Variants in PDGFC observed in about 807,000 individuals in gnomAD.
The protein encoded by PDGFC is platelet-derived growth factor C.
A neutral mutation model predicts 35.5 loss-of-function variants in PDGFC; 12 were observed. The ratio of observed to expected loss-of-function variants is 0.34; its 90% CI spans 0.22 to 0.55. PDGFC has a LOEUF of 0.55. Among genes scored for constraint, PDGFC ranks in the 20% least tolerant of loss-of-function variants. PDGFC has a pLI of 0.91. For missense variants in PDGFC, 322 were observed against 412.4 expected (o/e 0.78, Z 1.90); for synonymous variants, 159 against 148.8 (o/e 1.07, Z -0.50).
intron 2 of PDGFC, among the ~76,000 whole-genome samples, chr4:156,813,431 G>A (rs1731995369): frequency 6.6e-6 from 1 of 152,052 alleles, no homozygotes; most frequent in Admixed American, 6.6e-5. Flanking sequence ...AAATACTGTG[G>A]AATAGTAGAA....
intron 1 of PDGFC, among the ~76,000 whole-genome samples, chr4:156,885,120 G>C (rs970114433): frequency 2.6e-5 from 4 of 151,164 alleles, no homozygotes; most frequent in Non-Finnish European, 1.5e-5. Context: ...ATAGAATATG[G>C]GGAGAAAAAT....
chr4:156,862,914 T>G (rs905249612), intron 1 of PDGFC, among the ~76,000 whole-genome samples: 1 of 151,984 alleles, frequency 6.6e-6, no homozygotes, highest in African/African-American at 2.4e-5. Context: ...AGGCTGGTCT[T>G]GAACTCCTGA....
intron 1 of PDGFC, among the ~76,000 whole-genome samples, chr4:156,945,369 A>ATATATATATATG (rs1731919948): frequency 8.0e-6 from 1 of 124,456 alleles, no homozygotes; most frequent in Non-Finnish European, 1.7e-5. Context: ...ATATATATAT[A>ATATATATATATG]TATATATATA....
chr4:156,847,995 A>G (rs1057093193), intron 2 of PDGFC, among the ~76,000 whole-genome samples: 7 of 151,826 alleles, frequency 4.6e-5, no homozygotes, highest in African/African-American at 1.5e-4. Context: ...ATGCTGGCAT[A>G]CTATTGGATA....
At chr4:156,774,676 A>G (rs1287589361) in intron 3 of PDGFC, among the ~76,000 whole-genome samples, 1 of 150,288 alleles carries the variant, frequency 6.7e-6, no homozygotes, top group African/African-American at 2.5e-5. Flanking sequence ...TTTTTTAACA[A>G]AAGTTTATTG....
intron 1 of PDGFC, among the ~76,000 whole-genome samples, chr4:156,937,002 A>C (rs1253723186): frequency 6.6e-6 from 1 of 152,216 alleles, no homozygotes; most frequent in Non-Finnish European, 1.5e-5. Context: ...GCTGAGAAAT[A>C]AGATCAGTTT....
intron 1 of PDGFC, among the ~76,000 whole-genome samples, chr4:156,943,823 A>C (rs1731872788): frequency 6.6e-6 from 1 of 152,142 alleles, no homozygotes; most frequent in African/African-American, 2.4e-5. Context: ...CATGTAACTA[A>C]AAAGTGAATA....
At chr4:156,791,408 T>G (rs900809507) in intron 3 of PDGFC, among the ~76,000 whole-genome samples, 2 of 152,144 alleles carry the variant, frequency 1.3e-5, no homozygotes, top group African/African-American at 2.4e-5. Flanking sequence ...ATGATTATGT[T>G]GAGTCTGACA....
rs186308071 is a variant in PDGFC at position 156,854,416 on chromosome 4, C to A, written c.119-4000G>T. Reference sequence around the variant, plus strand: ...CTTTATAATTCACTATTAAATTGGACTATATTTAAACATAATTTAAAGACT... The same window carrying A: ...CTTTATAATTCACTATTAAATTGGAATATATTTAAACATAATTTAAAGACT... On this transcript the variant is annotated intron_variant, in intron 1 of 5. Coordinates refer to ENST00000502773, the MANE Select transcript of PDGFC (RefSeq NM_016205.3). Among the ~76,000 whole-genome samples the A allele has an allele frequency of 1.1e-3, 164 of 151,980 alleles. 1 individual carries two copies. The highest frequency in any genetic ancestry group is 2.9e-3 in the Admixed American group (45 of 15,278).
At chr4:156,777,658 C>A (rs1306465424) in intron 3 of PDGFC, among the ~76,000 whole-genome samples, 1 of 152,150 alleles carries the variant, frequency 6.6e-6, no homozygotes. Flanking sequence ...TTGTTTAAGG[C>A]ACCACTGTTT....
chr4:156,932,446 CAT>C lies in PDGFC; in HGVS notation c.118+38338_118+38339del, dbSNP rs534923655. 4.2e-3 allele frequency among the ~76,000 whole-genome samples: 632 copies of C among 152,262 alleles called. 3 individuals carry two copies. The highest frequency in any genetic ancestry group is 5.8e-3 in the Non-Finnish European group (392 of 68,026). On this transcript the variant is annotated intron_variant, in intron 1 of 5. Transcript: ENST00000502773. Reference sequence around the variant, plus strand: ...ATGCTGCTATAAAGACACATGCACACATGTGTTTATTGTGGCACTATTCACAA... The same window carrying C: ...ATGCTGCTATAAAGACACATGCACACGTGTTTATTGTGGCACTATTCACAA...
At chr4:156,962,892 C>T (rs1319706579) in intron 1 of PDGFC, among the ~76,000 whole-genome samples, 2 of 152,248 alleles carry the variant, frequency 1.3e-5, no homozygotes, top group South Asian at 2.1e-4. Flanking sequence ...TAGAAGCTTA[C>T]TCAGAGCCCT....
intron 3 of PDGFC, among the ~76,000 whole-genome samples, chr4:156,809,356 C>T (rs533901524): frequency 2.8e-4 from 42 of 151,954 alleles, no homozygotes; most frequent in Non-Finnish European, 5.7e-4. Flanking sequence ...ATAGGTCAAC[C>T]CTGGTGACAG....
chr4:156,810,308 G>A (rs1174701813), intron 3 of PDGFC, among the ~76,000 whole-genome samples: 1 of 151,872 alleles, frequency 6.6e-6, no homozygotes, highest in Admixed American at 6.6e-5. Context: ...GAATGGAGTA[G>A]AGTTTGGGAT....
chr4:156,825,599 GAA>G lies in PDGFC; in HGVS notation c.315-14584_315-14583del, dbSNP rs1560828445. On this transcript the variant is annotated intron_variant, in intron 2 of 5. Transcript: ENST00000502773. ...ATAATAATAATAATAATAATAAGAA[GAA>G]GAAGAAGAAGAAGAAGAAGAAGAAG... Among the ~76,000 whole-genome samples, 150 of 94,032 alleles carry G rather than the reference GAA, an allele frequency of 1.6e-3. 1 individual carries two copies. The highest frequency in any genetic ancestry group is 5.7e-3 in the Middle Eastern group (1 of 174). 61.7% of individuals were successfully genotyped at this position (94,032 alleles called of 152,430 possible). A position where few individuals can be genotyped will look rare whatever the true frequency, so the allele number is the denominator to read the frequency against.
At chr4:156,872,731 G>A (rs17035387) in intron 1 of PDGFC, among the ~76,000 whole-genome samples, 7,636 of 152,206 alleles carry the variant, frequency 0.05, 645 homozygotes, top group African/African-American at 0.17. Context: ...CTTTGATAAG[G>A]AATGCTTCTG....
At chr4:156,799,951 T>C (rs1460139379) in intron 3 of PDGFC, among the ~76,000 whole-genome samples, 2 of 152,168 alleles carry the variant, frequency 1.3e-5, no homozygotes, top group Non-Finnish European at 2.9e-5. Context: ...AAAGTATCCA[T>C]GACATCATAA....
intron 1 of PDGFC, among the ~76,000 whole-genome samples, chr4:156,926,404 A>G (rs151052602): frequency 1.8e-3 from 273 of 152,260 alleles, no homozygotes; most frequent in Middle Eastern, 0.01. Flanking sequence ...AGATAAAGGC[A>G]GGGTCCCTGG....
chr4:156,910,078 C>A (rs1218709084), intron 1 of PDGFC, among the ~76,000 whole-genome samples: 1 of 152,168 alleles, frequency 6.6e-6, no homozygotes, highest in Non-Finnish European at 1.5e-5. Flanking sequence ...ACAGAACCCA[C>A]CCTGCAGACA....
Sources: gnomAD v4.1 joint callset for allele counts (sites outside exome capture counted in the v4.1 genomes callset) on GRCh38, gnomAD v4.1.1 for gene constraint, MANE v1.5 for transcripts, NCBI Gene and HGNC (gene_info 2026-07-23, HGNC 2026-07-21) for gene names.